MTA1: variants seen among roughly 807,000 people sequenced by gnomAD.
The protein encoded by MTA1 is metastasis-associated protein MTA1.
MTA1 carries 15 observed loss-of-function variants against 97.0 expected under a neutral mutation model. The ratio of observed to expected loss-of-function variants is 0.15; its 90% confidence interval spans 0.10 to 0.24. The LOEUF is 0.24. MTA1 is among the 10% of genes least tolerant of loss of function. The pLI is 1.00. For synonymous variants in MTA1, 435 were observed against 417.5 expected (o/e 1.04, Z -0.51); for missense variants, 709 against 1,015.1 (o/e 0.70, Z 4.10).
chr14:105,440,052 C>T (rs1567012634), intron 2 of MTA1, among the ~76,000 whole-genome samples: 1 of 152,204 alleles, frequency 6.6e-6, no homozygotes, highest in Non-Finnish European at 1.5e-5. Context: ...TGGGGTGCGA[C>T]ATCTGCTCCC....
intron 2 of MTA1, among the ~76,000 whole-genome samples, chr14:105,444,077 G>C (rs1355434254): frequency 7.0e-6 from 1 of 142,896 alleles, no homozygotes; most frequent in African/African-American, 2.7e-5. Flanking sequence ...GACAGAGTGA[G>C]ACTCCATCTA....
chr14:105,469,979 A>T lies in MTA1; in HGVS notation c.1984A>T (p.Thr662Ser). Residue 662 changes from threonine to serine, a missense_variant, in exon 20 of 21, where the codon ACA (threonine) becomes TCA (serine). Thr to Ser is a moderately conservative substitution (Grantham distance 58, BLOSUM62 1). Coordinates refer to ENST00000331320, the MANE Select transcript of MTA1 (RefSeq NM_004689.4). Reference protein sequence around the residue: ...DAPDDVFYMATEETRKIRKLL... With the variant: ...DAPDDVFYMASEETRKIRKLL... The stretch of plus-strand genomic sequence containing the variant: ...CCCGGATGACGTGTTCTACATGGCC[A>T]CAGAGGAGACCAGGTGGGGCCTTCC... 1 of 1,612,526 alleles carries T rather than the reference A, an allele frequency of 6.2e-7. No individual in the cohort carries two copies. The highest frequency in any genetic ancestry group is 8.5e-7 in the Non-Finnish European group (1 of 1,179,852).
intron 10 of MTA1, 63 bp downstream of exon 10, chr14:105,461,016 G>T: frequency 6.5e-7 from 1 of 1,528,158 alleles, no homozygotes; most frequent in Non-Finnish European, 8.9e-7. Context: ...TAGGCTGCGG[G>T]GGTGTGGGCT....
intron 1 of MTA1, among the ~76,000 whole-genome samples, chr14:105,427,704 G>T (rs1381999015): frequency 6.6e-6 from 1 of 152,066 alleles, no homozygotes; most frequent in African/African-American, 2.4e-5. Context: ...GACTCTGGGT[G>T]CGTGTATATT....
chr14:105,460,540 C>T (rs1410216180), intron 9 of MTA1, 83 bp downstream of exon 9: 2 of 1,368,850 alleles, frequency 1.5e-6, no homozygotes, highest in Non-Finnish European at 9.8e-7. Context: ...TACCAGGGCC[C>T]AGCACCTGCC....
intron 6 of MTA1, among the ~76,000 whole-genome samples, chr14:105,453,488 C>T (rs782688583): frequency 1.1e-4 from 17 of 152,230 alleles, no homozygotes; most frequent in Non-Finnish European, 1.6e-4. Flanking sequence ...CCAGCCTGGG[C>T]GACGGAGCGA....
intron 2 of MTA1, among the ~76,000 whole-genome samples, chr14:105,441,590 C>T (rs1480015179): frequency 2.0e-4 from 30 of 152,190 alleles, no homozygotes; most frequent in Admixed American, 5.9e-4. Flanking sequence ...ATCAGGAGAT[C>T]GAGACCATCC....
At chr14:105,431,263 A>G (rs909752019) in intron 1 of MTA1, among the ~76,000 whole-genome samples, 14 of 152,196 alleles carry the variant, frequency 9.2e-5, no homozygotes, top group Admixed American at 4.6e-4. Flanking sequence ...AGGTTTCACC[A>G]TATTGGCCAG....
At position 105,470,468 on chromosome 14, in the gene MTA1, G is replaced by A. The variant is rs1595441377; in HGVS notation, c.*253G>A. 1 of 427,984 alleles carries A rather than the reference G, an allele frequency of 2.3e-6. No homozygotes were observed. The highest frequency in any genetic ancestry group is 4.1e-6 in the Non-Finnish European group (1 of 244,014). The allele number at this position is 427,984 out of a possible 1,614,324, so 26.5% of individuals were successfully genotyped here. On this transcript the variant is annotated 3_prime_UTR_variant, in exon 21 of 21. Coordinates refer to ENST00000331320, the MANE Select transcript of MTA1 (RefSeq NM_004689.4). ...TGGAGCGGAGATGAGGGGCCACCCC[G>A]TGCCCCTGTGCTGCGGGGCCTTTTG...
At position 105,442,448 on chromosome 14, in the gene MTA1, G is replaced by A. The variant is rs1033588789; in HGVS notation, c.97-2970G>A. Among the ~76,000 whole-genome samples, 6 of 152,356 alleles carry A rather than the reference G, an allele frequency of 3.9e-5. No individual in the cohort carries two copies. The South Asian group carries it at 1.2e-3, about 32-fold the overall frequency. On this transcript the variant is annotated intron_variant, in intron 2 of 20. Coordinates refer to ENST00000331320, the MANE Select transcript of MTA1 (RefSeq NM_004689.4). ...CTGGGAGGGGCCTCGCAGGCGCCCT[G>A]ATATGAGCCCTTTCTCTTTGGGAGC...
chr14:105,460,983 G>T (rs782660094), intron 10 of MTA1, 30 bp downstream of exon 10: 2 of 1,589,096 alleles, frequency 1.3e-6, no homozygotes, highest in Non-Finnish European at 1.7e-6. Flanking sequence ...ATGGGGGAGT[G>T]GCTGGCCATG....
intron 8 of MTA1, among the ~76,000 whole-genome samples, chr14:105,458,963 T>C (rs112766772): frequency 0.15 from 23,269 of 151,550 alleles, 2,417 homozygotes; most frequent in Non-Finnish European, 0.23. Flanking sequence ...GCGATGCTCA[T>C]GCAGTCTGTC....
rs139332797 is a variant in MTA1 at position 105,469,493 on chromosome 14, C to T, written c.1840C>T (p.His614Tyr). 6.5e-5 allele frequency: 105 copies of T among 1,612,750 alleles called. No homozygotes were observed. The Admixed American group carries it at 6.7e-4, about 10-fold the overall frequency. ...RGLANHGQAR[H>Y]MGPSRNLLLN... is the part of the protein sequence containing the mutation. The stretch of plus-strand genomic sequence containing the variant: ...TCTGGCAAACCACGGACAGGCCAGG[C>T]ACATGGTAAGAGGAACAACCCATGA... Residue 614 changes from histidine (H) to tyrosine (Y), a missense_variant, in exon 19 of 21, where the codon CAC (histidine) becomes TAC (tyrosine). Physicochemically the swap from His to Tyr is moderately conservative, Grantham distance 83 (BLOSUM62 2). Around this residue, in one of 2 missense-constraint regions of MTA1, gnomAD observed 388 missense variants for 421.6 expected, o/e 0.92. Transcript: ENST00000331320.
intron 6 of MTA1, among the ~76,000 whole-genome samples, chr14:105,453,383 C>T (rs1229955611): frequency 2.0e-5 from 3 of 152,244 alleles, no homozygotes; most frequent in African/African-American, 7.2e-5. Flanking sequence ...GCATAGCACA[C>T]GCCTGTAGTC....
chr14:105,463,340 A>G lies in MTA1; in HGVS notation c.1017+82A>G. The G allele has an allele frequency of 6.5e-7, 1 of 1,535,442 alleles. No individual in the cohort carries two copies. Among genetic ancestry groups the G allele is most frequent in the Non-Finnish European group, 9.0e-7 (1 of 1,112,580 alleles). On this transcript the variant is annotated intron_variant, in intron 11 of 20. Transcript: ENST00000331320. This position sits in a 1 kb window ranked among gnomAD's most constrained non-coding sequence, Gnocchi z 5.9. ...ATCCTCTCCCAGCAGGTGGGCGTGC[A>G]CTGCTGCAGCAGGAGGGGAAGGAAG...
chr14:105,450,664 G>A (rs1015994473), intron 6 of MTA1, among the ~76,000 whole-genome samples: 2 of 152,180 alleles, frequency 1.3e-5, no homozygotes, highest in Non-Finnish European at 2.9e-5. Flanking sequence ...AGGAGTCTTG[G>A]CTGGTCTCTC....
chr14:105,427,595 C>A (rs1034303033), intron 1 of MTA1, among the ~76,000 whole-genome samples: 2 of 152,160 alleles, frequency 1.3e-5, no homozygotes, highest in Admixed American at 6.5e-5. Flanking sequence ...ACCAGAGGCT[C>A]GTAGGAACCT....
intron 6 of MTA1, among the ~76,000 whole-genome samples, chr14:105,453,496 C>G (rs587755883): frequency 5.3e-5 from 8 of 151,160 alleles, no homozygotes; most frequent in African/African-American, 2.0e-4. Context: ...GGCGACGGAG[C>G]GAGACCATGT....
intron 7 of MTA1, among the ~76,000 whole-genome samples, chr14:105,457,795 G>A (rs8003467): frequency 0.034 from 5,124 of 152,126 alleles, 144 homozygotes; most frequent in Non-Finnish European, 0.052. Flanking sequence ...GCATGGTGTC[G>A]GTGCCTGTGG....
Sources: gnomAD v4.1 joint callset for allele counts (sites outside exome capture counted in the v4.1 genomes callset) on GRCh38, gnomAD v4.1.1 for gene constraint, gnomAD v4.1.1 regional missense constraint, Gnocchi (gnomAD v3.1) non-coding constraint, MANE v1.5 for transcripts, NCBI Gene and HGNC (gene_info 2026-07-23, HGNC 2026-07-21) for gene names.